Variants in MDGA2 observed in about 807,000 individuals in gnomAD.
MDGA2 encodes MAM domain containing glycosylphosphatidylinositol anchor 2.
MDGA2 carries 40 observed loss-of-function variants against 117.8 expected under a neutral mutation model. The observed-to-expected ratio is 0.34, with a 90% CI of 0.26 to 0.44. The LOEUF is 0.44. MDGA2 is among the 20% of genes least tolerant of loss of function. MDGA2 has a pLI of 1.00. For missense variants in MDGA2, 1,123 were observed against 1,250.6 expected (o/e 0.90, Z 1.54); for synonymous variants, 452 against 439.0 (o/e 1.03, Z -0.37).
intron 11 of MDGA2, among the ~76,000 whole-genome samples, chr14:46,880,205 A>C (rs927479011): frequency 1.3e-5 from 2 of 152,000 alleles, no homozygotes; most frequent in Non-Finnish European, 2.9e-5. Context: ...AGTGCATGTA[A>C]TACCAGCTAC....
intron 9 of MDGA2, among the ~76,000 whole-genome samples, chr14:46,920,644 T>G (rs1884091630): frequency 6.6e-6 from 1 of 151,986 alleles, no homozygotes; most frequent in Admixed American, 6.6e-5. Context: ...ATAGAGAAGG[T>G]GAAAGTCTGA....
At chr14:46,985,050 T>C (rs1452564476) in intron 8 of MDGA2, among the ~76,000 whole-genome samples, 1 of 152,018 alleles carries the variant, frequency 6.6e-6, no homozygotes, top group Admixed American at 6.6e-5. Context: ...AAAAGAAGAA[T>C]AGAGTAGAGC....
intron 2 of MDGA2, among the ~76,000 whole-genome samples, chr14:47,286,679 G>C (rs541774150): frequency 8.6e-5 from 13 of 151,562 alleles, no homozygotes; most frequent in Non-Finnish European, 1.8e-4. Flanking sequence ...ATTGTGAATG[G>C]TGCTGCAATA....
At chr14:46,861,039 T>G (rs1017802693) in intron 14 of MDGA2, among the ~76,000 whole-genome samples, 4 of 151,926 alleles carry the variant, frequency 2.6e-5, no homozygotes, top group Non-Finnish European at 4.4e-5. Context: ...GAAGTAATCC[T>G]TTGGCATTTT....
chr14:47,469,700 T>G (rs992597229), intron 1 of MDGA2, among the ~76,000 whole-genome samples: 1 of 152,066 alleles, frequency 6.6e-6, no homozygotes, highest in African/African-American at 2.4e-5. Flanking sequence ...AATGGTATTT[T>G]TAGTTCAAGA....
At chr14:47,546,368 A>G (rs1895463560) in intron 1 of MDGA2, among the ~76,000 whole-genome samples, 1 of 152,184 alleles carries the variant, frequency 6.6e-6, no homozygotes, top group African/African-American at 2.4e-5. Context: ...CTCTGGGGAA[A>G]GATTAGAAGA....
chr14:46,991,818 G>A (rs1025926809), intron 8 of MDGA2, among the ~76,000 whole-genome samples: 7 of 152,084 alleles, frequency 4.6e-5, no homozygotes, highest in Non-Finnish European at 1.0e-4. Flanking sequence ...AATATTTTGT[G>A]CCTTCAATAC....
intron 11 of MDGA2, 78 bp downstream of exon 11, chr14:46,881,964 AAT>A (rs1428924116): frequency 1.0e-5 from 9 of 896,062 alleles, no homozygotes; most frequent in Admixed American, 3.4e-5. Flanking sequence ...TTTGTGTCTA[AAT>A]TTGGTAGATA....
chr14:46,982,459 C>T (rs1886709887), intron 8 of MDGA2, among the ~76,000 whole-genome samples: 1 of 151,578 alleles, frequency 6.6e-6, no homozygotes, highest in African/African-American at 2.4e-5. Context: ...GCCTGTAATC[C>T]CAGTACTTTG....
chr14:46,957,706 T>G (rs903824301), intron 8 of MDGA2, 63 bp from the exon 9 acceptor site: 24 of 1,575,308 alleles, frequency 1.5e-5, no homozygotes, highest in Non-Finnish European at 2.0e-5. Flanking sequence ...AAAGCTACTC[T>G]TATTAGAAGA....
chr14:47,050,713 G>C (rs767176612), intron 7 of MDGA2, among the ~76,000 whole-genome samples: 1 of 151,894 alleles, frequency 6.6e-6, no homozygotes, highest in African/African-American at 2.4e-5. Context: ...CTAGGAGAAG[G>C]CAAGTATCAT....
At chr14:47,575,412 T>C (rs898409590) in intron 1 of MDGA2, among the ~76,000 whole-genome samples, 7 of 152,218 alleles carry the variant, frequency 4.6e-5, no homozygotes, top group African/African-American at 1.7e-4. Context: ...ATCAAAAGCA[T>C]AAACATATTT....
intron 1 of MDGA2, among the ~76,000 whole-genome samples, chr14:47,636,141 A>G (rs1897317987): frequency 6.6e-6 from 1 of 152,164 alleles, no homozygotes. Flanking sequence ...ATATCACTAC[A>G]TCTGATCTTT....
At chr14:46,975,963 C>G (rs1459896732) in intron 8 of MDGA2, among the ~76,000 whole-genome samples, 2 of 152,052 alleles carry the variant, frequency 1.3e-5, no homozygotes, top group Non-Finnish European at 2.9e-5. Context: ...TAACCACCTC[C>G]CAAAAGGATC....
chr14:47,197,237 A>G (rs1198768804), intron 3 of MDGA2, among the ~76,000 whole-genome samples: 1 of 152,064 alleles, frequency 6.6e-6, no homozygotes, highest in African/African-American at 2.4e-5. Context: ...TGAAATCTCA[A>G]CCCCGAATGA....
At chr14:47,077,604 C>G (rs1414568559) in intron 6 of MDGA2, among the ~76,000 whole-genome samples, 1 of 151,394 alleles carries the variant, frequency 6.6e-6, no homozygotes, top group African/African-American at 2.4e-5. Context: ...GAACATTTTA[C>G]CAGGTGTTCA....
chr14:46,842,572 T>C (rs901401085), intron 16 of MDGA2, among the ~76,000 whole-genome samples: 1 of 152,178 alleles, frequency 6.6e-6, no homozygotes, highest in African/African-American at 2.4e-5. Context: ...AGAGGCATGA[T>C]GAAGTCCATT....
chr14:46,875,751 G>T (rs190601116), intron 12 of MDGA2, among the ~76,000 whole-genome samples: 304 of 151,618 alleles, frequency 2.0e-3, no homozygotes, highest in Non-Finnish European at 3.1e-3. Flanking sequence ...GGCAATGTTT[G>T]ATTTTGAATG....
intron 6 of MDGA2, among the ~76,000 whole-genome samples, chr14:47,067,369 G>A (rs1466803947): frequency 6.6e-6 from 1 of 152,212 alleles, no homozygotes; most frequent in East Asian, 1.9e-4. Context: ...TGAAAAGACT[G>A]TAAAATTAGA....
Sources: gnomAD v4.1 joint callset for allele counts (sites outside exome capture counted in the v4.1 genomes callset) on GRCh38, gnomAD v4.1.1 for gene constraint, MANE v1.5 for transcripts, NCBI Gene and HGNC (gene_info 2026-07-23, HGNC 2026-07-21) for gene names.